The following STON1 variants were observed in gnomAD, a reference collection of about 807,000 sequenced individuals.
The protein encoded by STON1 is stonin 1.
In STON1, 79 loss-of-function variants were observed where a neutral mutation model predicts 60.9. That is an observed-to-expected ratio of 1.30 (90% CI 1.08 to 1.56). The LOEUF (loss-of-function observed/expected upper bound fraction) is 1.56, where lower values mean the gene tolerates loss of function less well. Among genes scored for constraint, STON1 ranks in the 40% most tolerant of loss-of-function variants. The pLI is 0.00. For synonymous variants in STON1, 363 were observed against 306.9 expected, an observed-to-expected ratio of 1.18 and a Z score of -1.91; for missense variants, 1,166 against 858.9, an observed-to-expected ratio of 1.36 and a Z score of -4.47.
At chr2:48,554,246 G>C (rs2103799203) in intron 1 of STON1, among the ~76,000 whole-genome samples, 1 of 152,208 alleles carries the variant, frequency 6.6e-6, no homozygotes, top group African/African-American at 2.4e-5. Context: ...TTTTGAGACA[G>C]AGTCTCTCTT....
At chr2:48,550,776 C>G (rs2103787523) in intron 1 of STON1, among the ~76,000 whole-genome samples, 1 of 151,450 alleles carries the variant, frequency 6.6e-6, no homozygotes, top group Non-Finnish European at 1.5e-5. Flanking sequence ...TAAGCAGTTC[C>G]TAAATTTCAA....
chr2:48,554,456 C>G (rs1672226362), intron 1 of STON1, among the ~76,000 whole-genome samples: 2 of 152,140 alleles, frequency 1.3e-5, no homozygotes, highest in African/African-American at 4.8e-5. Context: ...CTCCTGACCT[C>G]AGGTGATCTG....
rs1244890872 is a variant in STON1 at position 48,596,917 on chromosome 2, T to G, written c.*1615T>G. On this transcript the variant is annotated 3_prime_UTR_variant, in exon 4 of 4. Coordinates refer to ENST00000404752, the MANE Select transcript of STON1 (RefSeq NM_006873.4). ...CCAGCCTGGAGTGCAGTGTGTCATC[T>G]TGGCTCACTGCAACCTCCGCCTCCT... The G allele has an allele frequency of 6.6e-6, 1 of 152,228 alleles. No individual in the cohort carries two copies. The highest frequency in any genetic ancestry group is 2.4e-5 in the African/African-American group (1 of 41,448). The allele number at this position is 152,228 out of a possible 1,614,324, so 9.4% of individuals were successfully genotyped here.
intron 1 of STON1, among the ~76,000 whole-genome samples, chr2:48,539,867 C>T (rs1436406809): frequency 1.3e-5 from 2 of 152,018 alleles, no homozygotes; most frequent in Non-Finnish European, 2.9e-5. Context: ...AGGTTTCTGG[C>T]TGTTTTCTCA....
chr2:48,575,705 T>C (rs1462560404), intron 1 of STON1, among the ~76,000 whole-genome samples: 2 of 150,084 alleles, frequency 1.3e-5, no homozygotes, highest in Non-Finnish European at 3.0e-5. Context: ...TTTGGATAAA[T>C]ACCCGTAAGT....
At chr2:48,554,390 T>A (rs999828723) in intron 1 of STON1, among the ~76,000 whole-genome samples, 1 of 151,954 alleles carries the variant, frequency 6.6e-6, no homozygotes, top group Non-Finnish European at 1.5e-5. Flanking sequence ...CCCAGCTAAT[T>A]TTTTGTATTT....
chr2:48,562,653 T>C (rs1166111929), intron 1 of STON1, among the ~76,000 whole-genome samples: 1 of 152,244 alleles, frequency 6.6e-6, no homozygotes, highest in Non-Finnish European at 1.5e-5. Context: ...AAGCTGGTGA[T>C]GCTAAATCTC....
chr2:48,545,931 T>G (rs1671847026), intron 1 of STON1, among the ~76,000 whole-genome samples: 1 of 152,170 alleles, frequency 6.6e-6, no homozygotes, highest in African/African-American at 2.4e-5. Flanking sequence ...ATGATGAGGG[T>G]GATGTTGCAG....
At chr2:48,590,336 C>A (rs116201170) in intron 2 of STON1, among the ~76,000 whole-genome samples, 2 of 152,124 alleles carry the variant, frequency 1.3e-5, no homozygotes, top group Non-Finnish European at 1.5e-5. Context: ...CTATTAGTCA[C>A]TCTACAAGAA....
chr2:48,582,474 T>C lies in STON1; in HGVS notation c.1841T>C (p.Val614Ala). The change falls in exon 2 of 4, where the codon GTC becomes GCC. Residue 614 changes from valine (V) to alanine (A), a missense_variant. Transcript: ENST00000404752. Reference sequence around the variant, plus strand: ...TTACAGGAACTTGAATCTGAACCTGTCATTCAAGTCACTGTGGGGTCAGCA... The same window carrying C: ...TTACAGGAACTTGAATCTGAACCTGCCATTCAAGTCACTGTGGGGTCAGCA... ...GSLQELESEP[V>A]IQVTVGSAKY... is the part of the protein sequence containing the mutation. The C allele has an allele frequency of 6.2e-7, 1 of 1,614,200 alleles. No homozygotes were observed. Among genetic ancestry groups the C allele is most frequent in the Non-Finnish European group, 8.5e-7 (1 of 1,180,044 alleles).
intron 1 of STON1, among the ~76,000 whole-genome samples, chr2:48,571,403 T>G (rs1489614130): frequency 6.6e-6 from 1 of 152,204 alleles, no homozygotes; most frequent in African/African-American, 2.4e-5. Context: ...GCCCAGAAGC[T>G]GTGGTCTGCT....
chr2:48,564,405 G>GTCTTCTTCCTCTTCTTCTTCTTCT lies in STON1; in HGVS notation c.-47-16174_-47-16173insCTCTTCTTCTTCTTCTTCTTCTTC, dbSNP rs1558603784. On this transcript the variant is annotated intron_variant, in intron 1 of 3. Coordinates refer to ENST00000404752, the MANE Select transcript of STON1 (RefSeq NM_006873.4). The stretch of plus-strand genomic sequence containing the variant: ...TAGGTCCTCCAGTGGCAGTGGCGGT[G>GTCTTCTTCCTCTTCTTCTTCTTCT]TCTTCTTCTTCTTCTTCTTCTTCTT... Among the ~76,000 whole-genome samples the GTCTTCTTCCTCTTCTTCTTCTTCT allele has an allele frequency of 9.6e-5, 8 of 82,940 alleles. 2 individuals are homozygous for GTCTTCTTCCTCTTCTTCTTCTTCT. The highest frequency in any genetic ancestry group is 1.2e-4 in the Non-Finnish European group (5 of 40,702). 54.4% of individuals were successfully genotyped at this position (82,940 alleles called of 152,430 possible). A position where few individuals can be genotyped will look rare whatever the true frequency, so the allele number is the denominator to read the frequency against.
chr2:48,564,406 T>TCTTCTTCTTCTC, intron 1 of STON1, among the ~76,000 whole-genome samples: 1 of 17,844 alleles, frequency 5.6e-5, no homozygotes, highest in African/African-American at 1.9e-4. Flanking sequence ...AGTGGCGGTG[T>TCTTCTTCTTCTC]CTTCTTCTTC....
Position 48,597,223 on chromosome 2 carries a change from T to C in STON1, c.*1921T>C, listed in dbSNP as rs1674819895. On this transcript the variant is annotated 3_prime_UTR_variant, in exon 4 of 4. Transcript: ENST00000404752. ...ATATGCTTGAGGCTCACTGTTGATG[T>C]AGAGTAGGGCAAATCTGTGTGTGTA... 6.6e-6 allele frequency: 1 copy of C among 152,186 alleles called. No homozygotes were observed. The highest frequency in any genetic ancestry group is 2.4e-5 in the African/African-American group (1 of 41,452). 9.4% of individuals were successfully genotyped at this position (152,186 alleles called of 1,614,324 possible). A position where few individuals can be genotyped will look rare whatever the true frequency, so the allele number is the denominator to read the frequency against.
At chr2:48,546,494 C>G (rs1410499101) in intron 1 of STON1, among the ~76,000 whole-genome samples, 1 of 152,224 alleles carries the variant, frequency 6.6e-6, no homozygotes, top group Non-Finnish European at 1.5e-5. Flanking sequence ...TTTGTCCCCC[C>G]ATCACAGTTA....
chr2:48,535,463 A>G (rs942203977), intron 1 of STON1, among the ~76,000 whole-genome samples: 1 of 152,058 alleles, frequency 6.6e-6, no homozygotes, highest in African/African-American at 2.4e-5. Flanking sequence ...TCACTCATCC[A>G]TTCTCTTTGT....
At chr2:48,546,818 G>T (rs770861349) in intron 1 of STON1, among the ~76,000 whole-genome samples, 32 of 152,068 alleles carry the variant, frequency 2.1e-4, no homozygotes, top group Non-Finnish European at 4.4e-4. Flanking sequence ...TTCCTGCTTT[G>T]GCCTCCCAAA....
At chr2:48,579,643 G>A (rs1673755807) in intron 1 of STON1, among the ~76,000 whole-genome samples, 1 of 152,106 alleles carries the variant, frequency 6.6e-6, no homozygotes, top group Admixed American at 6.5e-5. Flanking sequence ...AACGTGATCT[G>A]CTTTGGCAAA....
chr2:48,576,667 A>G (rs893719281), intron 1 of STON1, among the ~76,000 whole-genome samples: 1 of 152,050 alleles, frequency 6.6e-6, no homozygotes, highest in Non-Finnish European at 1.5e-5. Flanking sequence ...TGTTTATTCA[A>G]GTACTTTGCC....
Sources: allele counts gnomAD v4.1 joint callset (sites outside exome capture counted in the v4.1 genomes callset), GRCh38; gene constraint gnomAD v4.1.1; transcripts MANE v1.5; gene names NCBI Gene and HGNC (gene_info 2026-07-23, HGNC 2026-07-21).